AR: variants seen among roughly 807,000 people sequenced by gnomAD.
The protein encoded by AR is dihydrotestosterone receptor.
AR carries 8 observed loss-of-function variants against 53.9 expected under a neutral mutation model. The observed-to-expected ratio is 0.15, with a 90% CI of 0.09 to 0.27. The LOEUF is 0.27. AR is among the 10% of genes least tolerant of loss of function. AR has a pLI of 1.00. For synonymous variants in AR, 359 were observed against 316.4 expected (o/e 1.13, Z -1.43); for missense variants, 639 against 742.5 (o/e 0.86, Z 1.62).
At chrX:67,699,266 A>C (rs2076033107) in intron 3 of AR, among the ~76,000 whole-genome samples, 1 of 112,317 alleles carries the variant, frequency 8.9e-6, no homozygotes, top group Non-Finnish European at 1.9e-5. Context: ...GTTTACCAGG[A>C]TGCATTCTAA....
chrX:67,654,418 C>G (rs923526289), intron 2 of AR, among the ~76,000 whole-genome samples: 3 of 111,150 alleles, frequency 2.7e-5, no homozygotes, highest in Admixed American at 9.6e-5. Flanking sequence ...AGGCCATCAG[C>G]ATTTGTATGA....
At chrX:67,665,710 C>T (rs1002256149) in intron 2 of AR, among the ~76,000 whole-genome samples, 11 of 111,566 alleles carry the variant, frequency 9.9e-5, no homozygotes, top group African/African-American at 2.9e-4. Context: ...ATTTGACACC[C>T]TTGTTGCTAG....
chrX:67,668,287 T>C (rs1250648614), intron 2 of AR, among the ~76,000 whole-genome samples: 1 of 112,191 alleles, frequency 8.9e-6, no homozygotes, highest in Non-Finnish European at 1.9e-5. Context: ...AATTGAACTT[T>C]ATCAAATGCT....
Position 67,545,716 on chromosome X carries a change from C to A in AR, c.570C>A (p.Thr190=), listed in dbSNP as rs2147317151. 2 of 1,210,685 alleles carry A rather than the reference C, an allele frequency of 1.7e-6. No individual in the cohort carries two copies. Among genetic ancestry groups the A allele is most frequent in the Non-Finnish European group, 2.2e-6 (2 of 894,864 alleles). ...DLKDILSEAS[T]MQLLQQQQQE... Reference sequence around the variant, plus strand: ...AAGACATCCTGAGCGAGGCCAGCACCATGCAACTCCTTCAGCAACAGCAGC... The same window carrying A: ...AAGACATCCTGAGCGAGGCCAGCACAATGCAACTCCTTCAGCAACAGCAGC... Residue 190 remains threonine (T), a synonymous_variant, in exon 1 of 8, where the codon ACC becomes ACA. Transcript: ENST00000374690.
chrX:67,666,015 T>G (rs1927245233), intron 2 of AR, among the ~76,000 whole-genome samples: 1 of 111,395 alleles, frequency 9.0e-6, no homozygotes, highest in Non-Finnish European at 1.9e-5. Context: ...ATCACCAGAG[T>G]TAATGGGGTA....
At position 67,627,407 on chromosome X, in the gene AR, T is replaced by G. The variant is rs1924734967; in HGVS notation, c.1617-15849T>G. The stretch of plus-strand genomic sequence containing the variant: ...TGATGGTGAGCATTTTTTCATGTGT[T>G]TTTTGGGTGCATAAATGTCTTCTTT... On this transcript the variant is annotated intron_variant, in intron 1 of 7. Coordinates refer to ENST00000374690, the MANE Select transcript of AR (RefSeq NM_000044.6). Among the ~76,000 whole-genome samples, 5 of 112,440 alleles carry G rather than the reference T, an allele frequency of 4.4e-5. No homozygotes were observed. In the Admixed American group the frequency reaches 4.7e-4, roughly 11 times the overall value.
intron 3 of AR, among the ~76,000 whole-genome samples, chrX:67,700,275 A>G (rs2076037040): frequency 8.9e-6 from 1 of 111,808 alleles, no homozygotes. Flanking sequence ...CTCTGCCTTG[A>G]CACAGTGGCA....
intron 1 of AR, among the ~76,000 whole-genome samples, chrX:67,587,001 T>G (rs755984052): frequency 1.8e-5 from 2 of 112,504 alleles, no homozygotes; most frequent in African/African-American, 6.5e-5. Flanking sequence ...CTGCCACTTA[T>G]GAGATCTTTC....
rs958672483 is a variant in AR at position 67,724,874 on chromosome X, C to A, written c.*1033C>A. 5.7e-6 allele frequency: 1 copy of A among 174,810 alleles called. No homozygotes were observed. The highest frequency in any genetic ancestry group is 1.1e-5 in the Non-Finnish European group (1 of 91,528). 14.4% of individuals were successfully genotyped at this position (174,810 alleles called of 1,213,427 possible). ...AGAAGAAGGAGAGCAGAGATTTAAC[C>A]CTTTGTAAGGCCCCATTTGGATCCA... On this transcript the variant is annotated 3_prime_UTR_variant, in exon 8 of 8. Transcript: ENST00000374690.
chrX:67,610,322 A>G (rs759099645), intron 1 of AR, among the ~76,000 whole-genome samples: 1 of 111,657 alleles, frequency 9.0e-6, no homozygotes, highest in Admixed American at 9.6e-5. Flanking sequence ...AGCAAATAGG[A>G]ACTTCTGGTA....
At chrX:67,667,124 A>C (rs1228918043) in intron 2 of AR, among the ~76,000 whole-genome samples, 1 of 111,317 alleles carries the variant, frequency 9.0e-6, no homozygotes, top group Non-Finnish European at 1.9e-5. Context: ...TACTCAAGAA[A>C]TTTTTGCCCA....
At chrX:67,655,618 T>C (rs778470112) in intron 2 of AR, among the ~76,000 whole-genome samples, 1 of 111,295 alleles carries the variant, frequency 9.0e-6, no homozygotes, top group African/African-American at 3.3e-5. Flanking sequence ...ATTCTATTGA[T>C]ATAAAGGTAA....
intron 1 of AR, among the ~76,000 whole-genome samples, chrX:67,627,606 C>G (rs1188240936): frequency 1.8e-5 from 2 of 111,380 alleles, no homozygotes; most frequent in South Asian, 3.8e-4. Context: ...ATGGTAGTTT[C>G]TTTTGCTGTG....
At chrX:67,686,239 A>G (rs1023566069) in intron 3 of AR, 113 bp downstream of exon 3, 118 of 852,652 alleles carry the variant, frequency 1.4e-4, no homozygotes, top group Admixed American at 1.1e-4. Flanking sequence ...GGGACCAGCC[A>G]TGCTCTAGAC....
At chrX:67,678,506 T>C (rs1225351438) in intron 2 of AR, among the ~76,000 whole-genome samples, 2 of 111,907 alleles carry the variant, frequency 1.8e-5, no homozygotes, top group Non-Finnish European at 3.8e-5. Context: ...TAGTATTCCA[T>C]CGTGTATGTA....
intron 1 of AR, among the ~76,000 whole-genome samples, chrX:67,604,898 A>G (rs1402753142): frequency 9.0e-6 from 1 of 111,714 alleles, no homozygotes; most frequent in Admixed American, 9.5e-5. Flanking sequence ...TTACCAGTAT[A>G]TGGACCATTT....
chrX:67,717,493 A>C lies in AR; in HGVS notation c.2189A>C (p.His730Pro). The change falls in exon 5 of 8, where the codon CAC becomes CCC. Residue 730 changes from histidine to proline, a missense_variant. By Grantham distance (77) the His-to-Pro change is moderately conservative. Coordinates refer to ENST00000374690, the MANE Select transcript of AR (RefSeq NM_000044.6). ...AKALPGFRNL[H>P]VDDQMAVIQY... The stretch of plus-strand genomic sequence containing the variant: ...TCTTCTCCAGGCTTCCGCAACTTAC[A>C]CGTGGACGACCAGATGGCTGTCATT... 8.3e-7 allele frequency: 1 copy of C among 1,211,440 alleles called. No homozygotes were observed. The highest frequency in any genetic ancestry group is 3.0e-5 in the East Asian group (1 of 33,798).
intron 1 of AR, among the ~76,000 whole-genome samples, chrX:67,625,478 G>A (rs970820324): frequency 6.3e-5 from 7 of 111,089 alleles, no homozygotes; most frequent in South Asian, 7.6e-4. Context: ...CAAAGTCGGC[G>A]TACCCATGCT....
At chrX:67,611,777 G>T (rs964932551) in intron 1 of AR, among the ~76,000 whole-genome samples, 1 of 111,512 alleles carries the variant, frequency 9.0e-6, no homozygotes, top group African/African-American at 3.3e-5. Flanking sequence ...CAGATGAAAA[G>T]AAGTTTAGTC....
Sources: allele counts gnomAD v4.1 joint callset (sites outside exome capture counted in the v4.1 genomes callset), GRCh38; gene constraint gnomAD v4.1.1; transcripts MANE v1.5; gene names NCBI Gene and HGNC (gene_info 2026-07-23, HGNC 2026-07-21).